The following DNAH6 variants were observed in gnomAD, a reference collection of about 807,000 sequenced individuals.
DNAH6 encodes axonemal beta dynein heavy chain 6.
A neutral mutation model predicts 491.4 loss-of-function variants in DNAH6; 340 were observed. The observed-to-expected ratio is 0.69, with a 90% CI of 0.63 to 0.76. The LOEUF (loss-of-function observed/expected upper bound fraction) is 0.76, where lower values mean the gene tolerates loss of function less well. DNAH6 is among the 30% of genes least tolerant of loss of function. The pLI, the probability that DNAH6 is intolerant of heterozygous loss-of-function variation, is 0.00. For missense variants in DNAH6, 4,443 were observed against 4,972.2 expected, an observed-to-expected ratio of 0.89 and a Z score of 3.20; for synonymous variants, 1,603 against 1,686.1, an observed-to-expected ratio of 0.95 and a Z score of 1.21.
chr2:84,686,911 A>C (rs1243965419), intron 44 of DNAH6, among the ~76,000 whole-genome samples: 2 of 152,162 alleles, frequency 1.3e-5, no homozygotes, highest in African/African-American at 4.8e-5. Context: ...AATTACATTC[A>C]TTTTGGTAAC....
chr2:84,501,908 T>A, the DNAH6 span, among the ~76,000 whole-genome samples: 1 of 151,888 alleles, frequency 6.6e-6, no homozygotes. Flanking sequence ...CTTATTGGGA[T>A]CTTCTCTCTT....
intron 43 of DNAH6, 46 bp from the exon 44 acceptor site, chr2:84,686,438 T>C: frequency 9.2e-7 from 1 of 1,086,396 alleles, no homozygotes; most frequent in Non-Finnish European, 1.4e-6. Context: ...AATATTCCAT[T>C]CAAGATTATC....
intron 18 of DNAH6, among the ~76,000 whole-genome samples, chr2:84,598,158 T>TCTTTCTTG (rs1266582360): frequency 3.0e-5 from 2 of 65,860 alleles, no homozygotes; most frequent in East Asian, 5.1e-4. Flanking sequence ...TTTCTTTCTT[T>TCTTTCTTG]CTTTCTTTCT....
chr2:84,718,639 C>T (rs1278334914), intron 59 of DNAH6, among the ~76,000 whole-genome samples: 2 of 152,304 alleles, frequency 1.3e-5, no homozygotes, highest in South Asian at 2.1e-4. Context: ...AGATATAAAT[C>T]GAAAGGAACA....
intron 49 of DNAH6, 86 bp downstream of exon 49, chr2:84,701,425 C>G: frequency 7.4e-7 from 1 of 1,354,036 alleles, no homozygotes; most frequent in Non-Finnish European, 1.0e-6. Context: ...CACTGTCTTA[C>G]CTGTCAGGGC....
chr2:84,495,848 T>G, the DNAH6 span, among the ~76,000 whole-genome samples: 1 of 152,216 alleles, frequency 6.6e-6, no homozygotes, highest in Non-Finnish European at 1.5e-5. Context: ...TTCTCATCTT[T>G]GAGAGGTGAT....
chr2:84,542,763 CAT>C (rs907835842), intron 4 of DNAH6, among the ~76,000 whole-genome samples: 51 of 152,278 alleles, frequency 3.3e-4, no homozygotes, highest in African/African-American at 1.2e-3. Flanking sequence ...AGACCCAAAA[CAT>C]AGAATTTTGT....
chr2:84,804,423 T>G (rs1419967621), intron 70 of DNAH6, among the ~76,000 whole-genome samples: 1 of 152,088 alleles, frequency 6.6e-6, no homozygotes, highest in Non-Finnish European at 1.5e-5. Flanking sequence ...ATAAATTTAT[T>G]AGCTCAATTT....
At chr2:84,588,748 G>C in intron 15 of DNAH6, 78 bp from the exon 16 acceptor site, 7 of 1,201,916 alleles carry the variant, frequency 5.8e-6, no homozygotes, top group Non-Finnish European at 7.8e-6. Context: ...TTTTAAAAAT[G>C]TTTATTAATT....
the DNAH6 span, among the ~76,000 whole-genome samples, chr2:84,500,879 T>G: frequency 4.6e-5 from 7 of 152,230 alleles, no homozygotes; most frequent in Non-Finnish European, 1.0e-4. Flanking sequence ...GATTTTTGTA[T>G]CCTGCAACTT....
chr2:84,602,586 G>A (rs1001284187), intron 18 of DNAH6, among the ~76,000 whole-genome samples: 4 of 140,660 alleles, frequency 2.8e-5, no homozygotes, highest in African/African-American at 1.1e-4. Context: ...GTGTGCATGT[G>A]CTATTGTTAC....
chr2:84,744,544 A>T (rs1402192850), intron 62 of DNAH6, among the ~76,000 whole-genome samples: 1 of 152,244 alleles, frequency 6.6e-6, no homozygotes, highest in Non-Finnish European at 1.5e-5. Context: ...TTTGAATTAC[A>T]TATGCTAGAA....
Position 84,686,511 on chromosome 2 carries a change from T to C in DNAH6, c.7091T>C (p.Leu2364Pro), listed in dbSNP as rs200155419. 2.2e-4 allele frequency: 336 copies of C among 1,539,198 alleles called. 2 individuals are homozygous for C. In the African/African-American group the frequency reaches 4.0e-3, roughly 18 times the overall value. ...ANKHFGIAID[L>P]EYFLNKPIIF... is the part of the protein sequence containing the mutation. Reference sequence around the variant, plus strand: ...AAACATTTTGGAATTGCAATTGACCTGGAATATTTTTTGAATAAGCCCATC... The same window carrying C: ...AAACATTTTGGAATTGCAATTGACCCGGAATATTTTTTGAATAAGCCCATC... The change falls in exon 44 of 77, where the codon CTG becomes CCG. Residue 2364 changes from leucine (L) to proline (P), a missense_variant. Leu to Pro is a moderately conservative substitution (Grantham distance 98). Around this residue, in one of 3 missense-constraint regions of DNAH6, gnomAD observed 2,977 missense variants for 3,296.6 expected, o/e 0.90. Transcript: ENST00000389394.
intron 4 of DNAH6, among the ~76,000 whole-genome samples, chr2:84,534,223 C>T (rs781681495): frequency 5.3e-5 from 8 of 151,982 alleles, no homozygotes; most frequent in Non-Finnish European, 1.0e-4. Flanking sequence ...AAGCAAGTGA[C>T]TCCCAGTGTG....
chr2:84,621,593 G>T, intron 26 of DNAH6, 42 bp downstream of exon 26: 1 of 1,254,066 alleles, frequency 8.0e-7, no homozygotes, highest in Non-Finnish European at 1.1e-6. Context: ...CTGCAAGATG[G>T]TCTTGGTGGG....
chr2:84,698,809 A>C (rs965918900), intron 47 of DNAH6, among the ~76,000 whole-genome samples: 1 of 152,200 alleles, frequency 6.6e-6, no homozygotes. Context: ...GTGGTGGATT[A>C]GATATAGAAA....
chr2:84,584,224 GTGAA>G lies in DNAH6; in HGVS notation c.2460_2463del (p.Asn820LysfsTer2), dbSNP rs1159993995. ...TGATCTTGAAGAATTAAACAACGAA[GTGAA>G]TGAAGTAAAACTGCAAGCACAGGTA... is the stretch of plus-strand genomic sequence containing the variant. On this transcript the variant is annotated frameshift_variant, in exon 15 of 77. Coordinates refer to ENST00000389394, the MANE Select transcript of DNAH6 (RefSeq NM_001370.2). LOFTEE classifies it high-confidence loss of function. 1.2e-6 allele frequency: 2 copies of G among 1,613,888 alleles called. No homozygotes were observed. The highest frequency in any genetic ancestry group is 1.7e-6 in the Non-Finnish European group (2 of 1,179,978).
intron 63 of DNAH6, among the ~76,000 whole-genome samples, chr2:84,762,013 C>CTT (rs756956434): frequency 7.2e-5 from 11 of 152,234 alleles, no homozygotes; most frequent in Admixed American, 1.3e-4. Context: ...GAGGAGACAC[C>CTT]TTTTTCTATC....
chr2:84,725,902 C>G (rs540037792), intron 60 of DNAH6, among the ~76,000 whole-genome samples: 98 of 152,264 alleles, frequency 6.4e-4, no homozygotes, highest in Non-Finnish European at 1.3e-3. Context: ...GGGCTGAGTC[C>G]TCTTTTCTCC....
Sources: gnomAD v4.1 joint callset for allele counts (sites outside exome capture counted in the v4.1 genomes callset) on GRCh38, gnomAD v4.1.1 for gene constraint, gnomAD v4.1.1 regional missense constraint, MANE v1.5 for transcripts, NCBI Gene and HGNC (gene_info 2026-07-23, HGNC 2026-07-21) for gene names.